HSF1: variants seen among roughly 807,000 people sequenced by gnomAD.
HSF1 encodes heat shock transcription factor 1.
HSF1 carries 32 observed loss-of-function variants against 51.7 expected under a neutral mutation model. That is an observed-to-expected ratio of 0.62 (90% CI 0.47 to 0.83). HSF1 has a LOEUF of 0.83. Ranked by LOEUF, HSF1 falls within the 40% of genes least tolerant of loss-of-function variation. The probability of loss-of-function intolerance (pLI) is 0.00; values close to 1 mark genes in which losing one functional copy is unlikely to be tolerated. For missense variants in HSF1, 727 were observed against 717.0 expected, an observed-to-expected ratio of 1.01 and a Z score of -0.16; for synonymous variants, 396 against 309.7, an observed-to-expected ratio of 1.28 and a Z score of -2.92.
At position 144,311,577 on chromosome 8, in the gene HSF1, C is replaced by T. The variant is rs1420458268; in HGVS notation, c.699C>T (p.His233=). ...PKYSRQFSLE[H]VHGSGPYSAP... ...ATAGCCGGCAGTTCTCCCTGGAGCA[C>T]GTCCACGGCTCGGGCCCCTACTCGG... Residue 233 remains histidine, a synonymous_variant, in exon 7 of 13, where the codon CAC becomes CAT. Transcript: ENST00000528838. 17 of 1,613,542 alleles carry T rather than the reference C, an allele frequency of 1.1e-5. No homozygotes were observed. Among genetic ancestry groups the T allele is most frequent in the East Asian group, 6.7e-5 (3 of 44,894 alleles).
chr8:144,311,052 C>T (rs959247761), intron 4 of HSF1, 122 bp from the exon 5 acceptor site: 2 of 906,628 alleles, frequency 2.2e-6, no homozygotes, highest in Non-Finnish European at 3.3e-6. Context: ...TGGGGTGGGC[C>T]AGGCCAGACA....
At chr8:144,308,620 T>C (rs1274967068) in intron 1 of HSF1, among the ~76,000 whole-genome samples, 2 of 152,192 alleles carry the variant, frequency 1.3e-5, no homozygotes, top group Non-Finnish European at 2.9e-5. Context: ...CTGGAAGCCC[T>C]GGGGAGGGGC....
chr8:144,294,487 T>C (rs1425784499), intron 1 of HSF1, among the ~76,000 whole-genome samples: 2 of 152,162 alleles, frequency 1.3e-5, no homozygotes, highest in African/African-American at 2.4e-5. Flanking sequence ...CCTCCCTATT[T>C]GACACAAGAA....
intron 4 of HSF1, 176 bp from the exon 5 acceptor site, chr8:144,310,998 C>A: frequency 1.6e-6 from 1 of 627,792 alleles, no homozygotes; most frequent in Non-Finnish European, 2.8e-6. Flanking sequence ...GACCAGCAAG[C>A]CCTGGCCCTG....
At position 144,313,923 on chromosome 8, in the gene HSF1, G is replaced by C; in HGVS notation, c.1314+12G>C. The C allele has an allele frequency of 6.2e-7, 1 of 1,610,018 alleles. No homozygotes were observed. Among genetic ancestry groups the C allele is most frequent in the Non-Finnish European group, 8.5e-7 (1 of 1,179,234 alleles). ...GCAGCCTGGCCAGTGTGCGTAGGCG[G>C]GCGGGGGGTGAGGGGGAACGAGACC... On this transcript the variant is annotated intron_variant, in intron 11 of 12. Transcript: ENST00000528838.
rs1408712100 is a variant in HSF1, at chr8:144,311,006, C to G, written c.489-168C>G. ...GCAGTGGGACCAGCAAGCCCTGGCC[C>G]TGGCCCCCAGTCCCTCCACACACAA... On this transcript the variant is annotated intron_variant, in intron 4 of 12. Coordinates refer to ENST00000528838, the MANE Select transcript of HSF1 (RefSeq NM_005526.4). 3 of 646,728 alleles carry G rather than the reference C, an allele frequency of 4.6e-6. No individual in the cohort carries two copies. In the Admixed American group the frequency reaches 8.6e-5, roughly 19 times the overall value. The allele number at this position is 646,728 out of a possible 1,614,324, so 40.1% of individuals were successfully genotyped here.
At chr8:144,312,625 C>T (rs1554845188) in intron 9 of HSF1, 1 of 1,535,130 alleles carries the variant, frequency 6.5e-7, no homozygotes, top group African/African-American at 1.4e-5. Context: ...TTGTATCTTG[C>T]AGTTTGGCTC....
rs367584997 is a variant in HSF1, at chr8:144,314,146, C to G, written c.1406C>G (p.Thr469Arg). ...PDSGKQLVHY[T>R]AQPLFLLDPG... ...GCAGGGAAGCAGCTGGTGCACTACA[C>G]AGCGCAGCCGCTGTTCCTGCTGGAC... is the stretch of plus-strand genomic sequence containing the variant. Residue 469 changes from threonine to arginine, a missense_variant, in exon 13 of 13, where the codon ACA becomes AGA. Thr to Arg is a moderately conservative substitution (Grantham distance 71). Transcript: ENST00000528838. The G allele has an allele frequency of 6.5e-7, 1 of 1,542,838 alleles. No individual in the cohort carries two copies. Among genetic ancestry groups the G allele is most frequent in the Non-Finnish European group, 8.7e-7 (1 of 1,144,156 alleles).
At position 144,312,150 on chromosome 8, in the gene HSF1, G is replaced by A. The variant is rs1816713411; in HGVS notation, c.1048G>A (p.Asp350Asn). 2.5e-6 allele frequency: 4 copies of A among 1,611,406 alleles called. No homozygotes were observed. The South Asian group carries it at 4.4e-5, about 18-fold the overall frequency. The change falls in exon 9 of 13, where the codon GAC (aspartate) becomes AAC (asparagine). Residue 350 changes from aspartate to asparagine, a missense_variant. Asp to Asn is a conservative substitution (Grantham distance 23). Transcript: ENST00000528838. ...CCCCGCCTCCGTCACAGCCCTCACG[G>A]ACGCCAGGGGCCACACGGACACCGA... The part of the protein sequence containing the change: ...PAPASVTALT[D>N]ARGHTDTEGR...
Position 144,302,599 on chromosome 8 carries a change from G to A in HSF1, c.118-6307G>A, listed in dbSNP as rs142402430. 4.9e-3 allele frequency among the ~76,000 whole-genome samples: 743 copies of A among 152,030 alleles called. 8 individuals carry two copies. The highest frequency in any genetic ancestry group is 0.01 in the South Asian group (48 of 4,690). The stretch of plus-strand genomic sequence containing the variant: ...TCCCAACACTTTGGGAGGCCAGCGC[G>A]GGTAGATTGCTTCCACTCAGGAGTT... On this transcript the variant is annotated intron_variant, in intron 1 of 12. Transcript: ENST00000528838.
chr8:144,293,945 G>A (rs1319053921), intron 1 of HSF1, among the ~76,000 whole-genome samples: 1 of 151,704 alleles, frequency 6.6e-6, no homozygotes, highest in Non-Finnish European at 1.5e-5. Flanking sequence ...TGGGACCGAG[G>A]CATGTTCTGG....
rs1554420003 is a variant in HSF1 at position 144,313,660 on chromosome 8, G to GCC, written c.1248+45_1248+46dup. On this transcript the variant is annotated intron_variant, in intron 10 of 12. Transcript: ENST00000528838. ...CCCCGCCTCCCCGCCCCGCCTCCCC[G>GCC]CCGCGCCGCCCCGCCTCCCCGCCCC... 4 of 113,356 alleles carry GCC rather than the reference G, an allele frequency of 3.5e-5. No individual in the cohort carries two copies. The African/African-American group carries it at 3.9e-4, about 11-fold the overall frequency. 7.0% of individuals were successfully genotyped at this position (113,356 alleles called of 1,614,324 possible).
chr8:144,311,421 C>T, intron 6 of HSF1, 39 bp downstream of exon 6: 11 of 1,612,726 alleles, frequency 6.8e-6, no homozygotes, highest in South Asian at 2.2e-5. Flanking sequence ...CACCCGGGGC[C>T]CAGGGCTGTC....
Position 144,314,262 on chromosome 8 carries a change from G to T in HSF1, c.1522G>T (p.Glu508Ter). The T allele has an allele frequency of 6.4e-7, 1 of 1,550,882 alleles. No homozygotes were observed. ...SYFSEGDGFA[E>*]DPTISLLTGS... ...CTTCTCCGAAGGGGACGGCTTCGCC[G>T]AGGACCCCACCATCTCCCTGCTGAC... is the stretch of plus-strand genomic sequence containing the variant. The change falls in exon 13 of 13, where the codon GAG becomes TAG. Residue 508 changes from glutamate (E) to a stop codon, truncating the protein, a stop_gained. Coordinates refer to ENST00000528838, the MANE Select transcript of HSF1 (RefSeq NM_005526.4). LOFTEE classifies it high-confidence loss of function.
intron 9 of HSF1, chr8:144,313,142 C>A (rs914191342): frequency 4.4e-5 from 17 of 388,016 alleles, no homozygotes; most frequent in Non-Finnish European, 6.7e-5. Flanking sequence ...CTGAGCCACC[C>A]ACACACTGAG....
intron 9 of HSF1, chr8:144,313,299 T>C (rs1816810125): frequency 3.7e-6 from 2 of 537,232 alleles, no homozygotes; most frequent in East Asian, 6.2e-5. Context: ...GGCAAAGGGA[T>C]GCCCAGCATA....
intron 1 of HSF1, among the ~76,000 whole-genome samples, chr8:144,307,785 C>A (rs1554843531): frequency 1.3e-5 from 2 of 151,306 alleles, no homozygotes; most frequent in Admixed American, 1.3e-4. Flanking sequence ...AAGACCTTGT[C>A]TCAGAAAAAA....
At chr8:144,302,965 A>T (rs1169822296) in intron 1 of HSF1, among the ~76,000 whole-genome samples, 3 of 152,118 alleles carry the variant, frequency 2.0e-5, no homozygotes, top group Non-Finnish European at 4.4e-5. Context: ...GACAGCGACT[A>T]GAACAGCCAG....
At chr8:144,300,212 CTT>C (rs1176636210) in intron 1 of HSF1, among the ~76,000 whole-genome samples, 6 of 87,742 alleles carry the variant, frequency 6.8e-5, no homozygotes, top group Non-Finnish European at 6.2e-5. Context: ...GTTGTGTACT[CTT>C]TTTTTTTTTT....
Sources: gnomAD v4.1 joint callset for allele counts (sites outside exome capture counted in the v4.1 genomes callset) on GRCh38, gnomAD v4.1.1 for gene constraint, MANE v1.5 for transcripts, NCBI Gene and HGNC (gene_info 2026-07-23, HGNC 2026-07-21) for gene names.